TRMT9B: variants seen among roughly 807,000 people sequenced by gnomAD.
TRMT9B encodes tRNA methyltransferase 9B (putative).
In TRMT9B, 16 loss-of-function variants were observed where a neutral mutation model predicts 11.5. The ratio of observed to expected loss-of-function variants is 1.39; its 90% CI spans 0.94 to 2.11. The LOEUF (loss-of-function observed/expected upper bound fraction) is 2.11. Ranked by LOEUF, TRMT9B falls within the 30% of genes most tolerant of loss-of-function variation. The pLI is 0.00. For missense variants in TRMT9B, 941 were observed against 553.8 expected, an observed-to-expected ratio of 1.70 and a Z score of -7.02; for synonymous variants, 274 against 192.4, an observed-to-expected ratio of 1.42 and a Z score of -3.51.
At position 13,012,864 on chromosome 8, in the gene TRMT9B, C is replaced by T. The variant is rs1452872194; in HGVS notation, c.328+7C>T. The stretch of plus-strand genomic sequence containing the variant: ...GCCATCATCTCCATAGGAGGTAAGG[C>T]AGCCAGATCACACATTCACCCTTTG... On this transcript the variant is annotated splice_region_variant and intron_variant, in intron 4 of 4. Transcript: ENST00000524591. The T allele has an allele frequency of 6.2e-7, 1 of 1,612,696 alleles. No homozygotes were observed. The highest frequency in any genetic ancestry group is 8.5e-7 in the Non-Finnish European group (1 of 1,179,344).
intron 2 of TRMT9B, among the ~76,000 whole-genome samples, chr8:12,997,767 G>A (rs1315567106): frequency 1.3e-5 from 2 of 152,154 alleles, no homozygotes; most frequent in African/African-American, 4.8e-5. Context: ...ATACTTTTAA[G>A]AGTGGGGTTG....
At chr8:12,953,981 C>A (rs890693459) in intron 1 of TRMT9B, among the ~76,000 whole-genome samples, 2 of 152,274 alleles carry the variant, frequency 1.3e-5, no homozygotes, top group African/African-American at 2.4e-5. Flanking sequence ...ATTCAATTAC[C>A]GTAATGATGT....
At chr8:13,012,133 C>A (rs551919662) in intron 3 of TRMT9B, 1 of 985,520 alleles carries the variant, frequency 1.0e-6, no homozygotes, top group Non-Finnish European at 1.2e-6. Flanking sequence ...CTGTGGACAT[C>A]ACCTCATTAA....
chr8:13,009,125 T>C (rs184024530), intron 3 of TRMT9B, among the ~76,000 whole-genome samples: 11 of 152,250 alleles, frequency 7.2e-5, no homozygotes, highest in African/African-American at 1.9e-4. Flanking sequence ...CTGGAAGATA[T>C]TATGCTAGGT....
At chr8:12,982,546 C>G (rs535319209) in intron 1 of TRMT9B, among the ~76,000 whole-genome samples, 1 of 151,928 alleles carries the variant, frequency 6.6e-6, no homozygotes, top group East Asian at 1.9e-4. Context: ...CTTGTAATCG[C>G]AGCTACTCGG....
At chr8:12,978,547 G>C (rs964585551) in intron 1 of TRMT9B, among the ~76,000 whole-genome samples, 2 of 149,068 alleles carry the variant, frequency 1.3e-5, no homozygotes, top group African/African-American at 4.9e-5. Context: ...TAGATAGATA[G>C]ATAGATAGAT....
At chr8:13,010,881 T>TC (rs1811462634) in intron 3 of TRMT9B, 1 of 968,926 alleles carries the variant, frequency 1.0e-6, no homozygotes, top group South Asian at 4.8e-5. Context: ...GGGTACTTTT[T>TC]CTCATAATCA....
chr8:12,994,541 T>C (rs1012207914), intron 2 of TRMT9B, among the ~76,000 whole-genome samples: 2 of 152,166 alleles, frequency 1.3e-5, no homozygotes, highest in African/African-American at 4.8e-5. Flanking sequence ...GCGTCTTAGC[T>C]ATGTTGGAAT....
chr8:12,949,222 T>C (rs1800420336), intron 1 of TRMT9B, among the ~76,000 whole-genome samples: 1 of 151,936 alleles, frequency 6.6e-6, no homozygotes, highest in Non-Finnish European at 1.5e-5. Flanking sequence ...TGCCATAGGA[T>C]TGGTTATGAC....
At chr8:13,012,268 T>C (rs1004105125) in intron 3 of TRMT9B, 88 of 988,164 alleles carry the variant, frequency 8.9e-5, no homozygotes, top group Non-Finnish European at 1.0e-4. Flanking sequence ...TATTCTGTCT[T>C]GGTTAGTTAA....
rs984296584 is a variant in TRMT9B at position 13,025,766 on chromosome 8, G to C, written c.*3722G>C. On this transcript the variant is annotated 3_prime_UTR_variant, in exon 5 of 5. Transcript: ENST00000524591. ...CACAAACGTCTTGGAGTTTGGTTTC[G>C]TTCTCTTTTCTCATCATAGATCTCC... The C allele has an allele frequency of 1.2e-5, 2 of 166,846 alleles. No homozygotes were observed. Among genetic ancestry groups the C allele is most frequent in the Non-Finnish European group, 2.9e-5 (2 of 68,120 alleles). The allele number at this position is 166,846 out of a possible 1,614,324, so 10.3% of individuals were successfully genotyped here. A position where few individuals can be genotyped will look rare whatever the true frequency, so the allele number is the denominator to read the frequency against.
chr8:12,952,437 A>C (rs1800753345), intron 1 of TRMT9B: 1 of 296,978 alleles, frequency 3.4e-6, no homozygotes, highest in Admixed American at 4.6e-5. Flanking sequence ...CAATACGATC[A>C]AAACAGGCGA....
chr8:12,973,538 A>C (rs184141394), intron 1 of TRMT9B, among the ~76,000 whole-genome samples: 12 of 152,336 alleles, frequency 7.9e-5, no homozygotes, highest in African/African-American at 2.9e-4. Context: ...TGAAGAGAGA[A>C]CAAAGGCACT....
At chr8:13,010,141 A>G (rs1435195042) in intron 3 of TRMT9B, 3 of 661,410 alleles carry the variant, frequency 4.5e-6, no homozygotes, top group Non-Finnish European at 5.6e-6. Flanking sequence ...CTATCTGAAA[A>G]AAAAAAAAAA....
At chr8:12,952,244 G>A (rs763415973) in intron 1 of TRMT9B, 8 of 437,294 alleles carry the variant, frequency 1.8e-5, no homozygotes, top group African/African-American at 1.0e-4. Context: ...GGAGCGGAGA[G>A]AAGCTTCTGT....
intron 1 of TRMT9B, among the ~76,000 whole-genome samples, chr8:12,964,288 C>G (rs1032861554): frequency 6.6e-6 from 1 of 152,332 alleles, no homozygotes; most frequent in African/African-American, 2.4e-5. Context: ...ACATCCTCAT[C>G]TTTCTTGGCA....
chr8:12,959,680 T>C (rs965566124), intron 1 of TRMT9B, among the ~76,000 whole-genome samples: 1 of 151,826 alleles, frequency 6.6e-6, no homozygotes, highest in Non-Finnish European at 1.5e-5. Flanking sequence ...CCACTACACC[T>C]AGCTAACTTT....
At chr8:13,013,982 A>C (rs1378508273) in intron 4 of TRMT9B, among the ~76,000 whole-genome samples, 2 of 152,186 alleles carry the variant, frequency 1.3e-5, no homozygotes, top group Non-Finnish European at 2.9e-5. Context: ...TATTTGATTA[A>C]TAAGTTTTAT....
At chr8:12,993,552 C>G (rs997359514) in intron 2 of TRMT9B, among the ~76,000 whole-genome samples, 9 of 152,094 alleles carry the variant, frequency 5.9e-5, no homozygotes, top group African/African-American at 1.9e-4. Context: ...ACAGACAGAC[C>G]AGTTAGACTA....
Sources: allele counts gnomAD v4.1 joint callset (sites outside exome capture counted in the v4.1 genomes callset), GRCh38; gene constraint gnomAD v4.1.1; transcripts MANE v1.5; gene names NCBI Gene and HGNC (gene_info 2026-07-23, HGNC 2026-07-21).